Variants in GCKR observed in about 807,000 individuals in gnomAD.
The protein encoded by GCKR is glucokinase regulator, also known as glucokinase regulatory protein.
A neutral mutation model predicts 82.9 loss-of-function variants in GCKR; 73 were observed. The observed-to-expected ratio is 0.88, with a 90% CI of 0.73 to 1.07. The LOEUF (loss-of-function observed/expected upper bound fraction) is 1.07, where lower values mean the gene tolerates loss of function less well. GCKR is among the 50% of genes least tolerant of loss of function. The pLI is 0.00. For missense variants in GCKR, 784 were observed against 782.1 expected, an observed-to-expected ratio of 1.00 and a Z score of -0.03; for synonymous variants, 294 against 291.8, an observed-to-expected ratio of 1.01 and a Z score of -0.08.
At chr2:27,505,017 T>G (rs895445971) in intron 9 of GCKR, among the ~76,000 whole-genome samples, 1 of 149,540 alleles carries the variant, frequency 6.7e-6, no homozygotes, top group African/African-American at 2.5e-5. Flanking sequence ...TCCCAGCTAC[T>G]TGGGAGGCTG....
chr2:27,497,374 A>AG lies in GCKR; in HGVS notation c.195dup (p.Gln66AlafsTer57), dbSNP rs1270536468. 6.2e-7 allele frequency: 1 copy of AG among 1,614,010 alleles called. No individual in the cohort carries two copies. Among genetic ancestry groups the AG allele is most frequent in the East Asian group, 2.2e-5 (1 of 44,896 alleles). On this transcript the variant is annotated frameshift_variant, in exon 2 of 19. Transcript: ENST00000264717. LOFTEE classifies it high-confidence loss of function. ...TGTGATGCTGAGATCTTCCAGGAGG[A>AG]GGGGCAAGCCCTGTCCACATACCAG...
chr2:27,523,450 C>A lies in GCKR; in HGVS notation c.*11C>A. ...CCTGACGTTCAGTGAACCCATGTTT[C>A]TGGGTGGGTGAAAGGGGCCCAACCC... On this transcript the variant is annotated 3_prime_UTR_variant, in exon 19 of 19. Transcript: ENST00000264717. 1 of 1,603,192 alleles carries A rather than the reference C, an allele frequency of 6.2e-7. No individual in the cohort carries two copies. The highest frequency in any genetic ancestry group is 2.2e-5 in the East Asian group (1 of 44,862).
intron 9 of GCKR, among the ~76,000 whole-genome samples, chr2:27,504,557 A>G (rs1266951768): frequency 6.6e-6 from 1 of 151,764 alleles, no homozygotes; most frequent in Non-Finnish European, 1.5e-5. Context: ...CCTGTTGGCC[A>G]GGCTGGTCTC....
At chr2:27,511,614 C>T (rs545133277) in intron 16 of GCKR, among the ~76,000 whole-genome samples, 1 of 150,688 alleles carries the variant, frequency 6.6e-6, no homozygotes, top group Non-Finnish European at 1.5e-5. Context: ...CAGGAGAAGC[C>T]GAGGTTGCAG....
chr2:27,508,193 C>T lies in GCKR; in HGVS notation c.1364C>T (p.Ser455Phe). 1 of 1,612,216 alleles carries T rather than the reference C, an allele frequency of 6.2e-7. No homozygotes were observed. Among genetic ancestry groups the T allele is most frequent in the Non-Finnish European group, 8.5e-7 (1 of 1,178,232 alleles). ...ATCCCTCTGAAGAAGCTCTTTCCCT[C>T]CATCATCAGCATCACATGGCCACTG... ...LLIPLKKLFP[S>F]IISITWPLLF... Residue 455 changes from serine to phenylalanine, a missense_variant, in exon 16 of 19, where the codon TCC (serine) becomes TTC (phenylalanine). Coordinates refer to ENST00000264717, the MANE Select transcript of GCKR (RefSeq NM_001486.4).
chr2:27,505,128 A>C (rs1669687657), intron 9 of GCKR, among the ~76,000 whole-genome samples: 1 of 136,594 alleles, frequency 7.3e-6, no homozygotes. Context: ...TCCATCTCAA[A>C]AAAAAAAAAA....
In GCKR at chr2:27,501,173, C is replaced by A; in HGVS notation, c.588C>A (p.Asn196Lys). ...FVAGQMDCCM[N>K]NTAVFLPVLV... is the part of the protein sequence containing the mutation. ...CAGGCCAGATGGACTGCTGCATGAA[C>A]AACACAGCTGTCTTCTTGCCAGTCC... is the stretch of plus-strand genomic sequence containing the variant. Residue 196 changes from asparagine to lysine, a missense_variant, in exon 8 of 19, where the codon AAC becomes AAA. Physicochemically the swap from Asn to Lys is moderately conservative, Grantham distance 94. Transcript: ENST00000264717. 1 of 1,614,094 alleles carries A rather than the reference C, an allele frequency of 6.2e-7. No homozygotes were observed. The highest frequency in any genetic ancestry group is 8.5e-7 in the Non-Finnish European group (1 of 1,179,898).
Position 27,496,982 on chromosome 2 carries a change from T to C in GCKR, c.60+18T>C. The C allele has an allele frequency of 6.3e-7, 1 of 1,598,254 alleles. No individual in the cohort carries two copies. Among genetic ancestry groups the C allele is most frequent in the Non-Finnish European group, 8.6e-7 (1 of 1,165,488 alleles). On this transcript the variant is annotated intron_variant, in intron 1 of 18. Transcript: ENST00000264717. ...AGTGGGAGGTGAGACCCCTTCTTCATGTTGGCTTTCTGTGCTGATTCCTAG... is the reference window on the plus strand; with the variant it reads ...AGTGGGAGGTGAGACCCCTTCTTCACGTTGGCTTTCTGTGCTGATTCCTAG...
chr2:27,519,736 T>C (rs780093), intron 17 of GCKR, among the ~76,000 whole-genome samples: 102,467 of 152,104 alleles, frequency 0.67, 35,743 homozygotes, highest in African/African-American at 0.86. Flanking sequence ...AATGCCTGGT[T>C]GGGGGCTCTT....
At chr2:27,501,707 C>A (rs376695010) in intron 8 of GCKR, 1 of 471,140 alleles carries the variant, frequency 2.1e-6, no homozygotes, top group Non-Finnish European at 4.4e-6. Flanking sequence ...TTTCCTCCCC[C>A]GAGGATCCTC....
rs368434369 is a variant in GCKR at position 27,523,326 on chromosome 2, G to A, written c.1765G>A (p.Ala589Thr). ...LFRCSITEAQ[A>T]HLAAAPSVCE... Reference sequence around the variant, plus strand: ...CCGGTGCTCGATCACTGAGGCTCAGGCACACCTGGCTGCAGCTCCTTCTGT... The same window carrying A: ...CCGGTGCTCGATCACTGAGGCTCAGACACACCTGGCTGCAGCTCCTTCTGT... Residue 589 changes from alanine (A) to threonine (T), a missense_variant, in exon 19 of 19, where the codon GCA becomes ACA. By Grantham distance (58) the Ala-to-Thr change is moderately conservative. Transcript: ENST00000264717. 109 of 1,612,710 alleles carry A rather than the reference G, an allele frequency of 6.8e-5. No individual in the cohort carries two copies. The highest frequency in any genetic ancestry group is 9.0e-5 in the Non-Finnish European group (106 of 1,179,898).
chr2:27,498,947 T>TA, intron 5 of GCKR, 150 bp downstream of exon 5: 2 of 728,720 alleles, frequency 2.7e-6, no homozygotes, highest in Non-Finnish European at 5.0e-6. Flanking sequence ...TTCACATACT[T>TA]ATGTCGCCTG....
At chr2:27,499,879 T>C (rs1042361444) in intron 7 of GCKR, among the ~76,000 whole-genome samples, 1 of 151,856 alleles carries the variant, frequency 6.6e-6, no homozygotes, top group African/African-American at 2.4e-5. Flanking sequence ...TGCCTCAGCC[T>C]CCCGAAAAGC....
At position 27,523,516 on chromosome 2, in the gene GCKR, G is replaced by T; in HGVS notation, c.*77G>T. On this transcript the variant is annotated 3_prime_UTR_variant, in exon 19 of 19. Coordinates refer to ENST00000264717, the MANE Select transcript of GCKR (RefSeq NM_001486.4). ...AGCCCGCCCAAGGGGACTTGTGCCA[G>T]CAGAACATGTGGGAGGAAGAAGCCC... 2 of 1,443,608 alleles carry T rather than the reference G, an allele frequency of 1.4e-6. No individual in the cohort carries two copies. The highest frequency in any genetic ancestry group is 1.9e-6 in the Non-Finnish European group (2 of 1,039,986). The allele number at this position is 1,443,608 out of a possible 1,614,324, so 89.4% of individuals were successfully genotyped here. A position where few individuals can be genotyped will look rare whatever the true frequency, so the allele number is the denominator to read the frequency against.
chr2:27,518,774 T>C lies in GCKR; in HGVS notation c.1423-14T>C. 6.2e-7 allele frequency: 1 copy of C among 1,610,992 alleles called. No individual in the cohort carries two copies. Among genetic ancestry groups the C allele is most frequent in the Non-Finnish European group, 8.5e-7 (1 of 1,177,050 alleles). On this transcript the variant is annotated splice_polypyrimidine_tract_variant and intron_variant, in intron 16 of 18. Coordinates refer to ENST00000264717, the MANE Select transcript of GCKR (RefSeq NM_001486.4). ...CTCTAATTTTTGACACCCCCATGTG[T>C]CTGCCCTTTTCAGAAGTTCCAGCGT...
Position 27,508,232 on chromosome 2 carries a change from A to G in GCKR, c.1403A>G (p.Tyr468Cys). Reference sequence around the variant, plus strand: ...ACATGGCCACTGCTTTTCTTTGAATATGAAGGGAACTTCATCCAGGTATGG... The same window carrying G: ...ACATGGCCACTGCTTTTCTTTGAATGTGAAGGGAACTTCATCCAGGTATGG... The part of the protein sequence containing the change: ...SITWPLLFFE[Y>C]EGNFIQKFQR... The change falls in exon 16 of 19, where the codon TAT becomes TGT. Residue 468 changes from tyrosine (Y) to cysteine (C), a missense_variant. Coordinates refer to ENST00000264717, the MANE Select transcript of GCKR (RefSeq NM_001486.4). The G allele has an allele frequency of 6.2e-7, 1 of 1,607,176 alleles. No homozygotes were observed. The highest frequency in any genetic ancestry group is 1.7e-4 in the Middle Eastern group (1 of 6,052).
At chr2:27,507,945 C>A in intron 14 of GCKR, 32 bp from the exon 15 acceptor site, 1 of 1,482,444 alleles carries the variant, frequency 6.7e-7, no homozygotes, top group Non-Finnish European at 9.4e-7. Flanking sequence ...CACAGCCAGC[C>A]TTTCGACTCT....
intron 10 of GCKR, among the ~76,000 whole-genome samples, chr2:27,506,100 G>C (rs1669733765): frequency 6.6e-6 from 1 of 152,114 alleles, no homozygotes; most frequent in South Asian, 2.1e-4. Context: ...AAGCTAGCCT[G>C]GCTCCCTAGG....
chr2:27,504,942 A>G (rs912336293), intron 9 of GCKR, among the ~76,000 whole-genome samples: 1 of 151,812 alleles, frequency 6.6e-6, no homozygotes, highest in Non-Finnish European at 1.5e-5. Context: ...CTTGGCTAAC[A>G]TGGTGAAACC....
Sources: allele counts gnomAD v4.1 joint callset (sites outside exome capture counted in the v4.1 genomes callset), GRCh38; gene constraint gnomAD v4.1.1; transcripts MANE v1.5; gene names NCBI Gene and HGNC (gene_info 2026-07-23, HGNC 2026-07-21).